The following JAZF1 variants were observed in gnomAD, a reference collection of about 807,000 sequenced individuals.
JAZF1 encodes JAZF zinc finger 1, also known as juxtaposed with another zinc finger protein 1.
In JAZF1, 8 loss-of-function variants were observed where a neutral mutation model predicts 26.4. That is an observed-to-expected ratio of 0.30 (90% CI 0.18 to 0.55). The LOEUF is 0.55. Among genes scored for constraint, JAZF1 ranks in the 20% least tolerant of loss-of-function variants. JAZF1 has a pLI of 0.94. For synonymous variants in JAZF1, 126 were observed against 122.3 expected (o/e 1.03, Z -0.20); for missense variants, 199 against 322.0 (o/e 0.62, Z 2.92).
chr7:27,940,298 TG>T (rs11327468), intron 2 of JAZF1, among the ~76,000 whole-genome samples: 145,047 of 152,020 alleles, frequency 0.95, 69,299 homozygotes, highest in East Asian at 1. Flanking sequence ...GGTGTGGTGG[TG>T]GGGGGTGCTC....
chr7:28,076,896 A>G (rs1040048151), intron 1 of JAZF1, among the ~76,000 whole-genome samples: 8 of 152,102 alleles, frequency 5.3e-5, no homozygotes, highest in Admixed American at 1.3e-4. Flanking sequence ...GCATAAATCC[A>G]TATCTAGAGA....
intron 1 of JAZF1, among the ~76,000 whole-genome samples, chr7:28,028,529 G>C (rs1053814682): frequency 1.3e-5 from 2 of 152,142 alleles, no homozygotes; most frequent in Non-Finnish European, 2.9e-5. Context: ...TTTCCATTCT[G>C]CTCCATTCCC....
chr7:27,872,487 A>T (rs955757197), intron 3 of JAZF1, among the ~76,000 whole-genome samples: 1 of 152,240 alleles, frequency 6.6e-6, no homozygotes, highest in Non-Finnish European at 1.5e-5. Context: ...TGGCAAGGGC[A>T]GCCCACGCGG....
chr7:27,885,608 T>C (rs1270744692), intron 3 of JAZF1, among the ~76,000 whole-genome samples: 2 of 152,240 alleles, frequency 1.3e-5, no homozygotes, highest in African/African-American at 4.8e-5. Flanking sequence ...ATTCTGATTG[T>C]TGTCGCAATT....
chr7:27,999,737 T>C (rs1786094379), intron 1 of JAZF1, among the ~76,000 whole-genome samples: 1 of 152,184 alleles, frequency 6.6e-6, no homozygotes, highest in Non-Finnish European at 1.5e-5. Context: ...CATGATGATA[T>C]ATGATGAATA....
chr7:28,033,346 G>A (rs917462548), intron 1 of JAZF1, among the ~76,000 whole-genome samples: 3 of 152,192 alleles, frequency 2.0e-5, no homozygotes, highest in African/African-American at 4.8e-5. Context: ...GGTGGCAGAG[G>A]ACAATGGCAC....
Position 28,040,433 on chromosome 7 carries a change from G to A in JAZF1, c.116-48452C>T, listed in dbSNP as rs117302622. 5.2e-3 allele frequency among the ~76,000 whole-genome samples: 793 copies of A among 152,326 alleles called. 4 individuals carry two copies. Among genetic ancestry groups the A allele is most frequent in the Middle Eastern group, 0.014 (4 of 294 alleles). Reference sequence around the variant, plus strand: ...ACTATAAAGAAAATTAAAGAGTAATGTAATCAAGAGTGACTGGTAAGGCCT... The same window carrying A: ...ACTATAAAGAAAATTAAAGAGTAATATAATCAAGAGTGACTGGTAAGGCCT... On this transcript the variant is annotated intron_variant, in intron 1 of 4. Transcript: ENST00000283928.
intron 3 of JAZF1, among the ~76,000 whole-genome samples, chr7:27,860,045 A>C (rs533100975): frequency 8.5e-5 from 13 of 152,276 alleles, no homozygotes; most frequent in African/African-American, 2.6e-4. Context: ...TCACACATTT[A>C]TTTCTTAATT....
intron 1 of JAZF1, among the ~76,000 whole-genome samples, chr7:28,136,800 A>G (rs889013000): frequency 6.6e-6 from 1 of 152,202 alleles, no homozygotes; most frequent in Non-Finnish European, 1.5e-5. Flanking sequence ...GTATGTCTAG[A>G]CCCAGCCTAT....
intron 1 of JAZF1, among the ~76,000 whole-genome samples, chr7:28,084,120 G>T (rs1225243812): frequency 6.6e-6 from 1 of 152,146 alleles, no homozygotes. Flanking sequence ...AACATTTTCT[G>T]CTGCCTTCTG....
intron 2 of JAZF1, among the ~76,000 whole-genome samples, chr7:27,900,453 T>C (rs951361723): frequency 1.3e-5 from 2 of 152,244 alleles, no homozygotes; most frequent in Non-Finnish European, 2.9e-5. Flanking sequence ...TAATGCAAAG[T>C]AACCTACTCT....
chr7:28,118,097 A>G (rs377721711), intron 1 of JAZF1: 2 of 152,196 alleles, frequency 1.3e-5, no homozygotes, highest in Admixed American at 1.3e-4. Context: ...CGTTTCTTTG[A>G]GTGTTTCATA....
At chr7:27,868,741 T>C (rs192832113) in intron 3 of JAZF1, among the ~76,000 whole-genome samples, 26 of 152,322 alleles carry the variant, frequency 1.7e-4, no homozygotes, top group African/African-American at 5.8e-4. Flanking sequence ...ATTTAAACCC[T>C]GTTTGTGGGA....
intron 1 of JAZF1, among the ~76,000 whole-genome samples, chr7:28,097,287 T>A (rs1204074098): frequency 1.3e-5 from 2 of 152,210 alleles, no homozygotes; most frequent in Non-Finnish European, 2.9e-5. Flanking sequence ...ATTTTCTAAG[T>A]ACAGACTTTT....
At chr7:28,113,959 A>G (rs1046950059) in intron 1 of JAZF1, among the ~76,000 whole-genome samples, 3 of 152,226 alleles carry the variant, frequency 2.0e-5, no homozygotes, top group Non-Finnish European at 4.4e-5. Context: ...CTTTCAGTTT[A>G]CTTTGCTAAA....
chr7:27,943,072 T>C (rs1453850583), intron 2 of JAZF1, among the ~76,000 whole-genome samples: 1 of 152,182 alleles, frequency 6.6e-6, no homozygotes, highest in Admixed American at 6.5e-5. Flanking sequence ...CTCACCTGCC[T>C]GCCCTTCCTA....
intron 1 of JAZF1, among the ~76,000 whole-genome samples, chr7:28,083,385 G>A (rs189271985): frequency 6.3e-4 from 96 of 152,246 alleles, no homozygotes; most frequent in Non-Finnish European, 1.2e-3. Flanking sequence ...GAATATTTTA[G>A]TACCTGACCT....
At chr7:28,002,751 T>C (rs1337895577) in intron 1 of JAZF1, among the ~76,000 whole-genome samples, 2 of 152,156 alleles carry the variant, frequency 1.3e-5, no homozygotes, top group Non-Finnish European at 2.9e-5. Flanking sequence ...TTTTCCCCCC[T>C]TTCCCTCCAT....
chr7:28,027,863 T>C (rs1267566972), intron 1 of JAZF1, among the ~76,000 whole-genome samples: 2 of 152,212 alleles, frequency 1.3e-5, no homozygotes, highest in Non-Finnish European at 2.9e-5. Flanking sequence ...CCTGTTTCTT[T>C]CCCTGATGCA....
Sources: allele counts gnomAD v4.1 joint callset (sites outside exome capture counted in the v4.1 genomes callset), GRCh38; gene constraint gnomAD v4.1.1; transcripts MANE v1.5; gene names NCBI Gene and HGNC (gene_info 2026-07-23, HGNC 2026-07-21).